Variants in CNTNAP5 observed in about 807,000 individuals in gnomAD.
The protein encoded by CNTNAP5 is contactin-associated protein-like 5.
In CNTNAP5, 72 loss-of-function variants were observed where a neutral mutation model predicts 150.2. The ratio of observed to expected loss-of-function variants is 0.48; its 90% CI spans 0.40 to 0.58. The LOEUF (loss-of-function observed/expected upper bound fraction) is 0.58. Among genes scored for constraint, CNTNAP5 ranks in the 20% least tolerant of loss-of-function variants. CNTNAP5 has a pLI of 0.00. For missense variants in CNTNAP5, 1,636 were observed against 1,626.2 expected (o/e 1.01, Z -0.10); for synonymous variants, 672 against 619.8 (o/e 1.08, Z -1.25).
chr2:124,073,472 A>T (rs1490900847), intron 1 of CNTNAP5, among the ~76,000 whole-genome samples: 3 of 152,138 alleles, frequency 2.0e-5, no homozygotes, highest in Admixed American at 1.3e-4. Flanking sequence ...CTGACAAGGG[A>T]TTAATAACCA....
chr2:124,388,832 T>C (rs1691002263), intron 3 of CNTNAP5, among the ~76,000 whole-genome samples: 1 of 152,006 alleles, frequency 6.6e-6, no homozygotes, highest in Admixed American at 6.6e-5. Flanking sequence ...GGGTGCCCAT[T>C]GTCATGCCCG....
chr2:124,806,609 T>G (rs1682085992), intron 19 of CNTNAP5, among the ~76,000 whole-genome samples: 1 of 152,166 alleles, frequency 6.6e-6, no homozygotes. Context: ...CAACTGCTGG[T>G]TTTTTCAGCA....
chr2:124,636,590 A>T (rs969861275), intron 12 of CNTNAP5, among the ~76,000 whole-genome samples: 3 of 152,132 alleles, frequency 2.0e-5, no homozygotes, highest in South Asian at 4.1e-4. Context: ...AATTTAGTTT[A>T]AATTTAGTAA....
At chr2:124,400,879 A>G (rs935604337) in intron 3 of CNTNAP5, among the ~76,000 whole-genome samples, 3 of 150,920 alleles carry the variant, frequency 2.0e-5, no homozygotes, top group Admixed American at 2.0e-4. Flanking sequence ...TTTTTTTATT[A>G]CTTTTTTTTT....
Position 124,647,923 on chromosome 2 carries a change from A to T in CNTNAP5, c.2042A>T (p.Tyr681Phe), listed in dbSNP as rs776368971. Residue 681 changes from tyrosine (Y) to phenylalanine (F), a missense_variant, in exon 13 of 24, where the codon TAC (tyrosine) becomes TTC (phenylalanine). Physicochemically the swap from Tyr to Phe is conservative, Grantham distance 22. Transcript: ENST00000682447. ...GSEHCEQEVAYHCRRSRLLNT... is the reference protein window; with the variant it reads ...GSEHCEQEVAFHCRRSRLLNT... The stretch of plus-strand genomic sequence containing the variant: ...GAGCACTGTGAGCAGGAGGTGGCCT[A>T]CCACTGCAGGAGGTCCCGCCTGCTC... 8.7e-6 allele frequency: 14 copies of T among 1,607,482 alleles called. No individual in the cohort carries two copies. In the South Asian group the frequency reaches 1.6e-4, roughly 18 times the overall value.
chr2:124,797,199 G>A (rs1463353042), intron 18 of CNTNAP5, among the ~76,000 whole-genome samples: 1 of 152,138 alleles, frequency 6.6e-6, no homozygotes, highest in Non-Finnish European at 1.5e-5. Context: ...GGGACCACAT[G>A]GCCGGCATGA....
At chr2:124,043,666 C>T (rs754872922) in intron 1 of CNTNAP5, among the ~76,000 whole-genome samples, 3 of 152,108 alleles carry the variant, frequency 2.0e-5, no homozygotes, top group South Asian at 2.1e-4. Context: ...TGCTTACCAA[C>T]CTGTGTGGGC....
At position 124,917,078 on chromosome 2, in the gene CNTNAP5, C is replaced by T. The variant is rs149381797; in HGVS notation, c.*2790C>T. On this transcript the variant is annotated 3_prime_UTR_variant, in exon 24 of 24. Coordinates refer to ENST00000682447, the MANE Select transcript of CNTNAP5 (RefSeq NM_001367498.1). ...TTTAATCCTTCTGCAATTATCATCT[C>T]GAAGGAGACTTTGAAAGCATCTTAA... Among the ~76,000 whole-genome samples, 1,414 of 152,096 alleles carry T rather than the reference C, an allele frequency of 9.3e-3. 11 individuals are homozygous for T. Among genetic ancestry groups the T allele is most frequent in the Non-Finnish European group, 0.013 (916 of 67,958 alleles).
At chr2:124,124,540 T>A (rs1483760277) in intron 1 of CNTNAP5, among the ~76,000 whole-genome samples, 1 of 152,140 alleles carries the variant, frequency 6.6e-6, no homozygotes, top group Non-Finnish European at 1.5e-5. Context: ...AGGCCTACGT[T>A]CAAATTCAGG....
intron 13 of CNTNAP5, among the ~76,000 whole-genome samples, chr2:124,673,560 G>A (rs1041296809): frequency 8.6e-5 from 13 of 150,798 alleles, no homozygotes; most frequent in African/African-American, 2.9e-4. Context: ...CTTTGTTTTT[G>A]GGACTCACTT....
At chr2:124,730,886 T>TGTGAAATAGGAGATACAGGC in intron 13 of CNTNAP5, among the ~76,000 whole-genome samples, 1 of 152,244 alleles carries the variant, frequency 6.6e-6, no homozygotes, top group South Asian at 2.1e-4. Flanking sequence ...GATATGGGGC[T>TGTGAAATAGGAGATACAGGC]GTGAAATAGG....
At chr2:124,261,840 C>T (rs1298425492) in intron 3 of CNTNAP5, among the ~76,000 whole-genome samples, 1 of 152,162 alleles carries the variant, frequency 6.6e-6, no homozygotes, top group Non-Finnish European at 1.5e-5. Flanking sequence ...TGGTTCAACG[C>T]TAGCAGGATT....
intron 1 of CNTNAP5, among the ~76,000 whole-genome samples, chr2:124,199,852 T>A (rs1194274561): frequency 6.6e-6 from 1 of 152,242 alleles, no homozygotes; most frequent in Non-Finnish European, 1.5e-5. Flanking sequence ...AACACTTTTC[T>A]TCATTCTCAT....
intron 1 of CNTNAP5, among the ~76,000 whole-genome samples, chr2:124,203,468 G>A (rs1043932330): frequency 1.3e-5 from 2 of 152,170 alleles, no homozygotes; most frequent in Non-Finnish European, 2.9e-5. Flanking sequence ...ACTAGGAAGT[G>A]CCCCAGTGGG....
chr2:124,615,277 A>C (rs1247346424), intron 12 of CNTNAP5, among the ~76,000 whole-genome samples: 1 of 152,222 alleles, frequency 6.6e-6, no homozygotes, highest in Non-Finnish European at 1.5e-5. Flanking sequence ...TTTCACCCAC[A>C]GTAGAACTTC....
At chr2:124,419,411 G>C (rs1299287123) in intron 4 of CNTNAP5, among the ~76,000 whole-genome samples, 1 of 152,110 alleles carries the variant, frequency 6.6e-6, no homozygotes, top group Non-Finnish European at 1.5e-5. Flanking sequence ...AGCATGTTTA[G>C]CATCTTCTGG....
chr2:124,753,269 G>T (rs1680769979), intron 14 of CNTNAP5, among the ~76,000 whole-genome samples: 1 of 152,140 alleles, frequency 6.6e-6, no homozygotes, highest in African/African-American at 2.4e-5. Context: ...TTAGCACATG[G>T]AATCCTGGAG....
chr2:124,671,982 T>C (rs1023922835), intron 13 of CNTNAP5, among the ~76,000 whole-genome samples: 5 of 152,188 alleles, frequency 3.3e-5, no homozygotes, highest in Admixed American at 2.0e-4. Context: ...ACTTTAGATA[T>C]ACCCAGTGAG....
intron 19 of CNTNAP5, among the ~76,000 whole-genome samples, chr2:124,816,293 T>G (rs1307854826): frequency 3.9e-5 from 6 of 152,072 alleles, no homozygotes; most frequent in East Asian, 1.9e-4. Context: ...TGGGATGTGG[T>G]CTCATCAGAG....
Sources: allele counts gnomAD v4.1 joint callset (sites outside exome capture counted in the v4.1 genomes callset), GRCh38; gene constraint gnomAD v4.1.1; transcripts MANE v1.5; gene names NCBI Gene and HGNC (gene_info 2026-07-23, HGNC 2026-07-21).